The following HDAC9 variants were observed in gnomAD, a reference collection of about 807,000 sequenced individuals.
HDAC9 encodes the protein histone deacetylase 9, also known as MEF-2 interacting transcription repressor (MITR) protein.
In HDAC9, 41 loss-of-function variants were observed where a neutral mutation model predicts 139.4. That is an observed-to-expected ratio of 0.29 (90% CI 0.23 to 0.38). HDAC9 has a LOEUF of 0.38. Among genes scored for constraint, HDAC9 ranks in the 10% least tolerant of loss-of-function variants. The pLI is 1.00. For missense variants in HDAC9, 1,147 were observed against 1,297.0 expected (o/e 0.88, Z 1.78); for synonymous variants, 517 against 476.2 (o/e 1.09, Z -1.12).
intron 1 of HDAC9, among the ~76,000 whole-genome samples, chr7:18,323,279 C>T (rs970609036): frequency 6.6e-6 from 1 of 152,166 alleles, no homozygotes; most frequent in Admixed American, 6.6e-5. Flanking sequence ...TTCTCACCAC[C>T]TCCATTGCTA....
chr7:18,223,090 G>A (rs1051546672), intron 2 of HDAC9, among the ~76,000 whole-genome samples: 2 of 152,072 alleles, frequency 1.3e-5, no homozygotes, highest in Non-Finnish European at 2.9e-5. Flanking sequence ...TTGATTATTA[G>A]TGTAGTTGAG....
intron 2 of HDAC9, among the ~76,000 whole-genome samples, chr7:18,503,444 A>G (rs985513363): frequency 1.9e-4 from 29 of 152,246 alleles, no homozygotes; most frequent in African/African-American, 7.0e-4. Context: ...AAGTGTTATC[A>G]GAGAACGTTA....
intron 1 of HDAC9, among the ~76,000 whole-genome samples, chr7:18,481,381 A>C (rs1236933779): frequency 1.3e-5 from 2 of 152,210 alleles, no homozygotes; most frequent in Non-Finnish European, 2.9e-5. Context: ...GTACTGTTAC[A>C]GGTCTAATGT....
intron 2 of HDAC9, among the ~76,000 whole-genome samples, chr7:18,239,255 C>A (rs1344746729): frequency 2.0e-5 from 3 of 152,038 alleles, no homozygotes; most frequent in Non-Finnish European, 4.4e-5. Flanking sequence ...GTTTAAACTG[C>A]CATTAGAAAT....
intron 2 of HDAC9, among the ~76,000 whole-genome samples, chr7:18,547,407 T>C (rs1370077858): frequency 6.6e-6 from 1 of 152,134 alleles, no homozygotes; most frequent in African/African-American, 2.4e-5. Context: ...GGCTAATCTT[T>C]TGTATTTTTA....
At chr7:18,467,748 C>T (rs1219807852) in intron 1 of HDAC9, among the ~76,000 whole-genome samples, 1 of 152,184 alleles carries the variant, frequency 6.6e-6, no homozygotes, top group Non-Finnish European at 1.5e-5. Context: ...CACGTTGGCA[C>T]ATTACTGTTG....
intron 22 of HDAC9, among the ~76,000 whole-genome samples, chr7:18,920,572 A>C (rs185555804): frequency 5.3e-5 from 8 of 151,934 alleles, no homozygotes; most frequent in Non-Finnish European, 1.0e-4. Context: ...GTCTTGTGCC[A>C]GTTTTCAAAG....
At chr7:18,517,831 CA>C (rs1803736871) in intron 2 of HDAC9, 1 of 152,156 alleles carries the variant, frequency 6.6e-6, no homozygotes, top group South Asian at 2.1e-4. Flanking sequence ...GTAGTGAAGA[CA>C]AGAATCTTCT....
chr7:18,871,026 G>T (rs1379693742), intron 21 of HDAC9, among the ~76,000 whole-genome samples: 1 of 152,040 alleles, frequency 6.6e-6, no homozygotes, highest in Non-Finnish European at 1.5e-5. Flanking sequence ...TTGTTCCAAT[G>T]GTAATTATAT....
At chr7:18,547,521 C>G (rs1563228291) in intron 2 of HDAC9, among the ~76,000 whole-genome samples, 1 of 152,212 alleles carries the variant, frequency 6.6e-6, no homozygotes, top group Admixed American at 6.5e-5. Context: ...AGGCGTGAGC[C>G]ACCATGCCCG....
chr7:18,143,784 C>G (rs933593376), intron 1 of HDAC9, among the ~76,000 whole-genome samples: 2 of 133,788 alleles, frequency 1.5e-5, no homozygotes, highest in Non-Finnish European at 3.2e-5. Context: ...CAGAGCGAGA[C>G]TCCATCTCAA....
chr7:18,183,734 T>A (rs1789686197), intron 2 of HDAC9, among the ~76,000 whole-genome samples: 1 of 151,902 alleles, frequency 6.6e-6, no homozygotes, highest in African/African-American at 2.4e-5. Context: ...ATCCTCCTGC[T>A]TTGGCCTCCC....
At chr7:18,644,482 T>G (rs889836157) in intron 8 of HDAC9, among the ~76,000 whole-genome samples, 189 bp from the exon 9 acceptor site, 4 of 152,170 alleles carry the variant, frequency 2.6e-5, no homozygotes. Context: ...TATTCAGATT[T>G]TATAACTATG....
At chr7:18,930,275 A>C (rs1466909866) in intron 22 of HDAC9, among the ~76,000 whole-genome samples, 2 of 151,936 alleles carry the variant, frequency 1.3e-5, no homozygotes, top group African/African-American at 4.8e-5. Flanking sequence ...CACTCAAAAC[A>C]CTCAACCCCG....
At chr7:18,708,755 C>T (rs1407978333) in intron 12 of HDAC9, among the ~76,000 whole-genome samples, 1 of 152,034 alleles carries the variant, frequency 6.6e-6, no homozygotes, top group Non-Finnish European at 1.5e-5. Flanking sequence ...AGGGGAGAGG[C>T]CTCATTAGCT....
chr7:18,926,538 A>C (rs1020636571), intron 22 of HDAC9, among the ~76,000 whole-genome samples: 4 of 152,188 alleles, frequency 2.6e-5, no homozygotes, highest in African/African-American at 9.7e-5. Context: ...ACTCATATCT[A>C]ATAGAAGTAT....
chr7:18,904,303 A>G (rs941781850), intron 22 of HDAC9, among the ~76,000 whole-genome samples: 29 of 152,178 alleles, frequency 1.9e-4, no homozygotes, highest in Non-Finnish European at 3.7e-4. Flanking sequence ...AGGATTTAAA[A>G]AAATGCTGCT....
intron 1 of HDAC9, among the ~76,000 whole-genome samples, chr7:18,123,248 G>A (rs1784465332): frequency 6.6e-6 from 1 of 152,114 alleles, no homozygotes. Context: ...AAATGGTAAA[G>A]GAACATTTAT....
At chr7:18,795,422 T>C (rs1792715190) in intron 17 of HDAC9, among the ~76,000 whole-genome samples, 1 of 152,120 alleles carries the variant, frequency 6.6e-6, no homozygotes, top group Non-Finnish European at 1.5e-5. Context: ...ATTGATAATA[T>C]TGAAGGTCAT....
Sources: gnomAD v4.1 joint callset for allele counts (sites outside exome capture counted in the v4.1 genomes callset) on GRCh38, gnomAD v4.1.1 for gene constraint, MANE v1.5 for transcripts, NCBI Gene and HGNC (gene_info 2026-07-23, HGNC 2026-07-21) for gene names.